The following DCAF7 variants were observed in gnomAD, a reference collection of about 807,000 sequenced individuals.
DCAF7 encodes DDB1- and CUL4-associated factor 7.
Under a neutral mutation model 41.2 loss-of-function variants are expected in DCAF7, and 4 were observed. That is an observed-to-expected ratio of 0.10 (90% CI 0.05 to 0.22). DCAF7 has a LOEUF of 0.22. DCAF7 is among the 10% of genes least tolerant of loss of function. The pLI is 1.00. For missense variants in DCAF7, 131 were observed against 443.2 expected, an observed-to-expected ratio of 0.30 and a Z score of 6.32; for synonymous variants, 143 against 164.2, an observed-to-expected ratio of 0.87 and a Z score of 0.99.
At chr17:63,574,170 G>A (rs1226575073) in intron 1 of DCAF7, among the ~76,000 whole-genome samples, 1 of 152,086 alleles carries the variant, frequency 6.6e-6, no homozygotes, top group East Asian at 1.9e-4. Context: ...ACCTACCTGG[G>A]ATGCCCTTCC....
At chr17:63,574,052 A>T (rs1437505889) in intron 1 of DCAF7, among the ~76,000 whole-genome samples, 1 of 152,152 alleles carries the variant, frequency 6.6e-6, no homozygotes, top group African/African-American at 2.4e-5. Context: ...ACACCTTCCC[A>T]GCTGCATCTC....
chr17:63,555,551 AT>A (rs1177305887), intron 1 of DCAF7, among the ~76,000 whole-genome samples: 4 of 152,154 alleles, frequency 2.6e-5, no homozygotes, highest in Admixed American at 1.3e-4. Context: ...TCATTTGCTC[AT>A]TAATTTAGCC....
chr17:63,577,022 G>A (rs930425094), intron 1 of DCAF7, among the ~76,000 whole-genome samples: 1 of 152,228 alleles, frequency 6.6e-6, no homozygotes, highest in African/African-American at 2.4e-5. Context: ...CTCAAGAGCA[G>A]TGTACTGATG....
At chr17:63,563,518 A>C (rs1267819806) in intron 1 of DCAF7, among the ~76,000 whole-genome samples, 2 of 152,228 alleles carry the variant, frequency 1.3e-5, no homozygotes, top group African/African-American at 4.8e-5. Flanking sequence ...ACAGCAGTTC[A>C]TAAACACATA....
At chr17:63,556,802 G>A (rs1478449036) in intron 1 of DCAF7, among the ~76,000 whole-genome samples, 1 of 152,212 alleles carries the variant, frequency 6.6e-6, no homozygotes, top group Non-Finnish European at 1.5e-5. Context: ...GGGAGGCGGA[G>A]GTGTGGTGAG....
chr17:63,573,839 T>G (rs2033533379), intron 1 of DCAF7, among the ~76,000 whole-genome samples: 1 of 152,170 alleles, frequency 6.6e-6, no homozygotes, highest in African/African-American at 2.4e-5. Flanking sequence ...GGTTATCCCT[T>G]GCCATTCTCA....
intron 1 of DCAF7, among the ~76,000 whole-genome samples, chr17:63,559,397 ATG>A (rs1491521491): frequency 2.6e-5 from 2 of 76,420 alleles, no homozygotes; most frequent in Admixed American, 1.3e-4. Context: ...GTATATATAT[ATG>A]TATATATATG....
intron 6 of DCAF7, among the ~76,000 whole-genome samples, chr17:63,585,835 T>C (rs571865032): frequency 1.3e-5 from 2 of 152,226 alleles, no homozygotes; most frequent in South Asian, 4.1e-4. Flanking sequence ...CTAGCACCCC[T>C]TACGGGCTGG....
chr17:63,579,500 TTCTCAGA>T, intron 3 of DCAF7, 52 bp downstream of exon 3: 2 of 1,361,906 alleles, frequency 1.5e-6, no homozygotes, highest in Non-Finnish European at 1.0e-6. Context: ...AAAATAAATT[TTCTCAGA>T]TGTCACACTG....
intron 1 of DCAF7, among the ~76,000 whole-genome samples, chr17:63,570,874 A>G (rs1458649926): frequency 6.6e-6 from 1 of 152,182 alleles, no homozygotes; most frequent in Non-Finnish European, 1.5e-5. Context: ...ATTGGAAAAA[A>G]TTTTAAAATT....
intron 1 of DCAF7, among the ~76,000 whole-genome samples, chr17:63,560,557 A>G (rs1038625891): frequency 1.6e-4 from 24 of 152,194 alleles, no homozygotes; most frequent in African/African-American, 5.5e-4. Flanking sequence ...ATATGCATAT[A>G]CATATGTACA....
chr17:63,561,948 G>A (rs2033386489), intron 1 of DCAF7, among the ~76,000 whole-genome samples: 1 of 149,712 alleles, frequency 6.7e-6, no homozygotes. Context: ...AGGGGTAAAG[G>A]AGGGCCAGAA....
chr17:63,560,983 C>T (rs921516037), intron 1 of DCAF7, among the ~76,000 whole-genome samples: 5 of 152,202 alleles, frequency 3.3e-5, no homozygotes, highest in African/African-American at 1.2e-4. Flanking sequence ...GTAATCCCCA[C>T]TACAGGCTGG....
At chr17:63,568,242 C>T (rs1023455742) in intron 1 of DCAF7, among the ~76,000 whole-genome samples, 1 of 152,108 alleles carries the variant, frequency 6.6e-6, no homozygotes, top group Admixed American at 6.5e-5. Flanking sequence ...CTCAAGTGAT[C>T]CACCCGCCTC....
intron 1 of DCAF7, among the ~76,000 whole-genome samples, chr17:63,563,453 C>T (rs559909909): frequency 8.5e-5 from 13 of 152,288 alleles, no homozygotes; most frequent in African/African-American, 3.1e-4. Flanking sequence ...TTAAAATGCA[C>T]ATACTTTCTA....
At chr17:63,588,188 G>GTTTTTTTTTTTTT (rs1568106611) in intron 6 of DCAF7, among the ~76,000 whole-genome samples, 2 of 122,004 alleles carry the variant, frequency 1.6e-5, no homozygotes, top group African/African-American at 9.3e-5. Context: ...TATTTTCTTG[G>GTTTTTTTTTTTTT]ATTTTTTTTT....
intron 4 of DCAF7, among the ~76,000 whole-genome samples, chr17:63,580,801 C>T (rs575321449): frequency 2.6e-5 from 4 of 152,180 alleles, no homozygotes; most frequent in East Asian, 1.9e-4. Flanking sequence ...GGATTACAGG[C>T]GTGAGCCACT....
chr17:63,571,185 C>CA (rs1285227393), intron 1 of DCAF7, among the ~76,000 whole-genome samples: 200 of 117,162 alleles, frequency 1.7e-3, no homozygotes, highest in South Asian at 3.1e-3. Context: ...GTCTCCGTCT[C>CA]AAAAAAAAAA....
chr17:63,584,005 G>T (rs77042940), intron 5 of DCAF7, among the ~76,000 whole-genome samples: 3 of 152,184 alleles, frequency 2.0e-5, no homozygotes, highest in Admixed American at 1.3e-4. Context: ...TCTGGAATAA[G>T]AATTACTTGT....
Sources: allele counts gnomAD v4.1 joint callset (sites outside exome capture counted in the v4.1 genomes callset), GRCh38; gene constraint gnomAD v4.1.1; transcripts MANE v1.5; gene names NCBI Gene and HGNC (gene_info 2026-07-23, HGNC 2026-07-21).